Variants in GALNT16 observed in about 807,000 individuals in gnomAD.
The protein encoded by GALNT16 is polypeptide N-acetylgalactosaminyltransferase 16, also known as UDP-GalNAc:polypeptide N-acetylgalactosaminyltransferase-like protein 1.
Under a neutral mutation model 76.1 loss-of-function variants are expected in GALNT16, and 40 were observed. The observed-to-expected ratio is 0.53, with a 90% CI of 0.41 to 0.68. GALNT16 has a LOEUF of 0.68. GALNT16 is among the 30% of genes least tolerant of loss of function. The pLI is 0.00. For missense variants in GALNT16, 621 were observed against 731.9 expected, an observed-to-expected ratio of 0.85 and a Z score of 1.75; for synonymous variants, 276 against 285.2, an observed-to-expected ratio of 0.97 and a Z score of 0.32.
intron 11 of GALNT16, among the ~76,000 whole-genome samples, chr14:69,340,193 T>A (rs562495380): frequency 6.6e-6 from 1 of 152,320 alleles, no homozygotes; most frequent in African/African-American, 2.4e-5. Flanking sequence ...ATTTCCGTTG[T>A]GGGTGCATGT....
intron 1 of GALNT16, among the ~76,000 whole-genome samples, chr14:69,288,703 C>T (rs2044650483): frequency 6.6e-6 from 1 of 152,180 alleles, no homozygotes; most frequent in Admixed American, 6.5e-5. Flanking sequence ...CAGTCGGTTT[C>T]AATCAACCCA....
intron 1 of GALNT16, among the ~76,000 whole-genome samples, chr14:69,295,860 G>T (rs1031786608): frequency 2.6e-5 from 4 of 152,022 alleles, no homozygotes. Context: ...AGTATAAGAA[G>T]ATATTTCTTT....
At chr14:69,306,873 C>A (rs1050849252) in intron 1 of GALNT16, among the ~76,000 whole-genome samples, 3 of 152,178 alleles carry the variant, frequency 2.0e-5, no homozygotes, top group African/African-American at 7.2e-5. Flanking sequence ...AATTTAATAA[C>A]CATTCCGGTG....
intron 11 of GALNT16, among the ~76,000 whole-genome samples, chr14:69,340,047 C>A (rs2045467018): frequency 1.3e-5 from 2 of 152,250 alleles, no homozygotes; most frequent in South Asian, 4.1e-4. Flanking sequence ...GTTGTGAAAT[C>A]AATTTAGTGG....
At chr14:69,335,567 A>G (rs1312229964) in intron 9 of GALNT16, among the ~76,000 whole-genome samples, 1 of 152,126 alleles carries the variant, frequency 6.6e-6, no homozygotes, top group Non-Finnish European at 1.5e-5. Context: ...CAAGTGAATG[A>G]TCAAACAGCT....
intron 1 of GALNT16, among the ~76,000 whole-genome samples, 193 bp from the exon 2 acceptor site, chr14:69,320,507 GAAAAAAAGAAA>G (rs1184708050): frequency 1.4e-5 from 2 of 148,140 alleles, no homozygotes; most frequent in African/African-American, 5.0e-5. Flanking sequence ...AAAAAAAAAA[GAAAAAAAGAAA>G]AAAAAAGAAA....
intron 1 of GALNT16, among the ~76,000 whole-genome samples, chr14:69,290,435 G>A (rs1333784703): frequency 6.6e-6 from 1 of 152,246 alleles, no homozygotes; most frequent in African/African-American, 2.4e-5. Context: ...CAGCACGGCA[G>A]GGACAGACTC....
At chr14:69,312,788 A>C (rs973022240) in intron 1 of GALNT16, among the ~76,000 whole-genome samples, 1 of 152,194 alleles carries the variant, frequency 6.6e-6, no homozygotes. Context: ...CCAAGGAAGG[A>C]AGCGACCTCC....
chr14:69,359,693 G>A (rs1248110602), downstream of GALNT16, among the ~76,000 whole-genome samples: 1 of 152,198 alleles, frequency 6.6e-6, no homozygotes, highest in African/African-American at 2.4e-5. Flanking sequence ...ATGTGTCAAT[G>A]GTCCCACAGA....
intron 1 of GALNT16, among the ~76,000 whole-genome samples, chr14:69,284,419 C>T (rs539815066): frequency 7.2e-5 from 11 of 152,318 alleles, no homozygotes; most frequent in Admixed American, 6.5e-5. Flanking sequence ...CCCCGTGTGG[C>T]GTGTGCAGAC....
chr14:69,260,177 G>T lies in GALNT16; in HGVS notation c.-114G>T. ...ACCTCTCTCCTTTTTCTGCTCTGCA[G>T]GACTGAGCAGCTAGGCGCGAGCGAA... On this transcript the variant is annotated 5_prime_UTR_variant, in exon 1 of 15. The change creates a new upstream start codon in the 5' untranslated region. Coordinates refer to ENST00000448469, the MANE Select transcript of GALNT16 (RefSeq NM_001168368.2). 2.6e-6 allele frequency: 1 copy of T among 386,038 alleles called. No homozygotes were observed. 23.9% of individuals were successfully genotyped at this position (386,038 alleles called of 1,614,324 possible). A position where few individuals can be genotyped will look rare whatever the true frequency, so the allele number is the denominator to read the frequency against.
At chr14:69,320,633 C>A in intron 1 of GALNT16, 78 bp from the exon 2 acceptor site, 1 of 1,395,920 alleles carries the variant, frequency 7.2e-7, no homozygotes, top group South Asian at 1.3e-5. Flanking sequence ...CTGGCTCCCG[C>A]CTGGTGTGTG....
At chr14:69,287,258 C>A (rs1004936445) in intron 1 of GALNT16, among the ~76,000 whole-genome samples, 29 of 152,202 alleles carry the variant, frequency 1.9e-4, no homozygotes, top group African/African-American at 6.8e-4. Context: ...TGAAATACAT[C>A]CCAGAGATAA....
chr14:69,320,089 C>A (rs948215702), intron 1 of GALNT16, among the ~76,000 whole-genome samples: 4 of 152,224 alleles, frequency 2.6e-5, no homozygotes, highest in Non-Finnish European at 5.9e-5. Flanking sequence ...GGACTCACCC[C>A]CCCAATATCC....
chr14:69,366,401 G>A, the GALNT16 span, among the ~76,000 whole-genome samples: 4 of 152,256 alleles, frequency 2.6e-5, no homozygotes, highest in Non-Finnish European at 4.4e-5. Context: ...GATCCTCTGC[G>A]TGCTTCCCCG....
At chr14:69,319,162 T>C (rs2045142756) in intron 1 of GALNT16, among the ~76,000 whole-genome samples, 1 of 152,220 alleles carries the variant, frequency 6.6e-6, no homozygotes, top group Non-Finnish European at 1.5e-5. Flanking sequence ...TGTTCTGCCC[T>C]CAGGGAACCT....
intron 1 of GALNT16, among the ~76,000 whole-genome samples, chr14:69,289,853 C>A (rs1469561696): frequency 6.6e-6 from 1 of 152,134 alleles, no homozygotes; most frequent in South Asian, 2.1e-4. Flanking sequence ...CATGCCTCAA[C>A]TTCCCGAATA....
At chr14:69,337,717 C>T (rs2045431643) in intron 9 of GALNT16, among the ~76,000 whole-genome samples, 1 of 152,278 alleles carries the variant, frequency 6.6e-6, no homozygotes, top group African/African-American at 2.4e-5. Flanking sequence ...GGCCCTGAAC[C>T]ACATCTGGAC....
chr14:69,377,738 T>C, the GALNT16 span, among the ~76,000 whole-genome samples: 3 of 130,054 alleles, frequency 2.3e-5, no homozygotes, highest in East Asian at 2.2e-4. Flanking sequence ...GCCTGGGAGA[T>C]TGAGGCTGCA....
Sources: gnomAD v4.1 joint callset for allele counts (sites outside exome capture counted in the v4.1 genomes callset) on GRCh38, gnomAD v4.1.1 for gene constraint, MANE v1.5 for transcripts, NCBI Gene and HGNC (gene_info 2026-07-23, HGNC 2026-07-21) for gene names.